Variants in RCC1 observed in about 807,000 individuals in gnomAD.
RCC1 encodes the protein regulator of chromosome condensation.
In RCC1, 11 loss-of-function variants were observed where a neutral mutation model predicts 44.4. The ratio of observed to expected loss-of-function variants is 0.25; its 90% CI spans 0.16 to 0.41. RCC1 has a LOEUF of 0.41. Ranked by LOEUF, RCC1 falls within the 10% of genes least tolerant of loss-of-function variation. The probability of loss-of-function intolerance (pLI) is 1.00; values close to 1 mark genes in which losing one functional copy is unlikely to be tolerated. For synonymous variants in RCC1, 213 were observed against 216.5 expected (o/e 0.98, Z 0.14); for missense variants, 386 against 547.1 (o/e 0.71, Z 2.94).
At chr1:28,509,627 C>G (rs1438722529) in intron 3 of RCC1, 2 of 152,108 alleles carry the variant, frequency 1.3e-5, no homozygotes, top group Non-Finnish European at 2.9e-5. Flanking sequence ...AAAATAAATA[C>G]GACTGCATGT....
At chr1:28,522,820 AAAAT>A (rs1366325428) in intron 4 of RCC1, among the ~76,000 whole-genome samples, 4 of 151,764 alleles carry the variant, frequency 2.6e-5, no homozygotes, top group African/African-American at 9.7e-5. Flanking sequence ...GTCTCAAAAA[AAAAT>A]AAATATATAT....
chr1:28,511,817 T>C (rs1347588625), intron 3 of RCC1, among the ~76,000 whole-genome samples: 4 of 148,758 alleles, frequency 2.7e-5, no homozygotes, highest in Non-Finnish European at 6.0e-5. Context: ...CACGCCACCA[T>C]GCCCGGCTAA....
At chr1:28,516,249 C>T (rs1321327019) in intron 3 of RCC1, among the ~76,000 whole-genome samples, 2 of 152,148 alleles carry the variant, frequency 1.3e-5, no homozygotes, top group African/African-American at 4.8e-5. Flanking sequence ...CGCGGAGGCT[C>T]ACGCCTGTAA....
At position 28,532,314 on chromosome 1, in the gene RCC1, C is replaced by A; in HGVS notation, c.405C>A (p.Thr135=). ...SAGDSHTAAL[T]DDGRVFLWGS... Reference sequence around the variant, plus strand: ...GAGACAGTCACACAGCAGCCCTCACCGATGATGGCCGTGTCTTCCTCTGGG... The same window carrying A: ...GAGACAGTCACACAGCAGCCCTCACAGATGATGGCCGTGTCTTCCTCTGGG... Residue 135 remains threonine, a synonymous_variant, in exon 7 of 13, where the codon ACC becomes ACA. Coordinates refer to ENST00000683442, the MANE Select transcript of RCC1 (RefSeq NM_001381865.2). 1 of 1,614,074 alleles carries A rather than the reference C, an allele frequency of 6.2e-7. No homozygotes were observed. The highest frequency in any genetic ancestry group is 1.1e-5 in the South Asian group (1 of 91,074).
chr1:28,506,919 C>T lies in RCC1; in HGVS notation c.-262+835C>T, dbSNP rs143911306. On this transcript the variant is annotated intron_variant, in intron 1 of 12. Transcript: ENST00000683442. ...ATTTCACCATGTTGGCCAGGCTGGT[C>T]TCCAACGCCTGACCTTGTGGTCCGC... 3.8e-3 allele frequency: 627 copies of T among 163,462 alleles called. 6 individuals carry two copies. Among genetic ancestry groups the T allele is most frequent in the African/African-American group, 0.014 (598 of 41,628 alleles). 10.1% of individuals were successfully genotyped at this position (163,462 alleles called of 1,614,324 possible).
rs778947710 is a variant in RCC1 at position 28,535,937 on chromosome 1, A to T, written c.728A>T (p.Gln243Leu). 6.2e-7 allele frequency: 1 copy of T among 1,614,132 alleles called. No homozygotes were observed. The highest frequency in any genetic ancestry group is 8.5e-7 in the Non-Finnish European group (1 of 1,180,006). The stretch of plus-strand genomic sequence containing the variant: ...GGAAGCCGGGGCCACGTGAGATTCC[A>T]GGATGCCTTTTGTGGTGCCTATTTC... ...SRGSRGHVRF[Q>L]DAFCGAYFTF... Residue 243 changes from glutamine to leucine, a missense_variant, in exon 10 of 13, where the codon CAG becomes CTG. Physicochemically the swap from Gln to Leu is moderately radical, Grantham distance 113 (BLOSUM62 -2). Transcript: ENST00000683442.
intron 3 of RCC1, among the ~76,000 whole-genome samples, 161 bp from the exon 4 acceptor site, chr1:28,516,564 T>C (rs1662909002): frequency 6.6e-6 from 1 of 151,986 alleles, no homozygotes; most frequent in Non-Finnish European, 1.5e-5. Context: ...CCCAGAAAAC[T>C]TGCTTTACCT....
chr1:28,536,333 G>T lies in RCC1; in HGVS notation c.889G>T (p.Val297Leu), dbSNP rs1482744896. 1 of 1,614,018 alleles carries T rather than the reference G, an allele frequency of 6.2e-7. No individual in the cohort carries two copies. Among genetic ancestry groups the T allele is most frequent in the Non-Finnish European group, 8.5e-7 (1 of 1,180,036 alleles). The change falls in exon 11 of 13, where the codon GTG (valine) becomes TTG (leucine). Residue 297 changes from valine (V) to leucine (L), a missense_variant. By Grantham distance (32) the Val-to-Leu change is conservative. Transcript: ENST00000683442. The surrounding 1 kb of genome is among the most constrained non-coding windows in gnomAD (Gnocchi z 4.9). ...TSFKNSTKSW[V>L]GFSGGQHHTV... ...CTTCAAGAATTCCACCAAGTCCTGG[G>T]TGGGCTTCTCTGGTGGCCAGCACCA...
intron 12 of RCC1, 51 bp from the exon 13 acceptor site, chr1:28,537,781 A>G (rs1664641131): frequency 1.3e-6 from 2 of 1,551,046 alleles, no homozygotes; most frequent in East Asian, 2.3e-5. Flanking sequence ...TGCTACAGAA[A>G]GGTGGGCTGG....
Position 28,537,913 on chromosome 1 carries a change from T to C in RCC1, c.1172T>C (p.Met391Thr). The change falls in exon 13 of 13, where the codon ATG becomes ACG. Residue 391 changes from methionine to threonine, a missense_variant. Transcript: ENST00000683442. The part of the protein sequence containing the change: ...QDEDAWSPVE[M>T]MGKQLENRVV... ...GAGGACGCCTGGAGCCCTGTGGAGATGATGGGCAAACAGCTGGAGAACCGT... is the reference window on the plus strand; with the variant it reads ...GAGGACGCCTGGAGCCCTGTGGAGACGATGGGCAAACAGCTGGAGAACCGT... 1 of 1,613,814 alleles carries C rather than the reference T, an allele frequency of 6.2e-7. No homozygotes were observed. Among genetic ancestry groups the C allele is most frequent in the Non-Finnish European group, 8.5e-7 (1 of 1,179,940 alleles).
At chr1:28,516,698 A>G in intron 3 of RCC1, 27 bp from the exon 4 acceptor site, 1 of 338,946 alleles carries the variant, frequency 3.0e-6, no homozygotes, top group South Asian at 2.3e-5. Context: ...AATAATAATA[A>G]TAATCACTTA....
chr1:28,516,220 T>C (rs1662886085), intron 3 of RCC1, among the ~76,000 whole-genome samples: 1 of 142,546 alleles, frequency 7.0e-6, no homozygotes, highest in Non-Finnish European at 1.5e-5. Flanking sequence ...CTACTAAAAG[T>C]ACAAAAATTA....
chr1:28,520,636 CGACTTATCTGTGACT>C lies in RCC1; in HGVS notation c.-10+3771_-10+3785del, dbSNP rs1314091464. 5.3e-5 allele frequency among the ~76,000 whole-genome samples: 8 copies of C among 152,160 alleles called. No individual in the cohort carries two copies. The South Asian group carries it at 1.4e-3, about 28-fold the overall frequency. On this transcript the variant is annotated intron_variant, in intron 4 of 12. Coordinates refer to ENST00000683442, the MANE Select transcript of RCC1 (RefSeq NM_001381865.2). ...TGATGGTGGAAGCTGACTCTGTAGC[CGACTTATCTGTGACT>C]GTCTCACTCTTCTCCCAGAGACTGT...
intron 2 of RCC1, chr1:28,508,549 A>C (rs978655343): frequency 1.9e-6 from 1 of 517,184 alleles, no homozygotes; most frequent in Non-Finnish European, 3.9e-6. Context: ...ATTCCTCACT[A>C]ATGAGCATTC....
intron 5 of RCC1, among the ~76,000 whole-genome samples, 160 bp downstream of exon 5, chr1:28,530,099 C>T (rs1664029569): frequency 1.3e-5 from 2 of 151,376 alleles, no homozygotes; most frequent in African/African-American, 2.4e-5. Flanking sequence ...GAATCCTACC[C>T]TCTGGGAATC....
At chr1:28,527,214 C>T in intron 4 of RCC1, 1 of 875,628 alleles carries the variant, frequency 1.1e-6, no homozygotes, top group Non-Finnish European at 1.9e-6. Flanking sequence ...GTAACCTTCC[C>T]ACAGCAGCCG....
rs773417526 is a variant in RCC1 at position 28,535,569 on chromosome 1, T to G, written c.661+189T>G. On this transcript the variant is annotated intron_variant, in intron 9 of 12. Coordinates refer to ENST00000683442, the MANE Select transcript of RCC1 (RefSeq NM_001381865.2). The stretch of plus-strand genomic sequence containing the variant: ...TCTATGGGACTCTGAACATAGTTTC[T>G]TCATCACTAAGTCTACCTACCTGTA... The G allele has an allele frequency of 5.4e-6, 5 of 918,212 alleles. No homozygotes were observed. The African/African-American group carries it at 8.1e-5, about 15-fold the overall frequency. 56.9% of individuals were successfully genotyped at this position (918,212 alleles called of 1,614,324 possible).
At chr1:28,529,653 A>T (rs1663979802) in intron 4 of RCC1, among the ~76,000 whole-genome samples, 1 of 152,046 alleles carries the variant, frequency 6.6e-6, no homozygotes, top group African/African-American at 2.4e-5. Flanking sequence ...TGTTGTTTTT[A>T]AAATGTTATG....
intron 3 of RCC1, among the ~76,000 whole-genome samples, chr1:28,516,522 T>C (rs1278158356): frequency 6.7e-6 from 1 of 148,178 alleles, no homozygotes. Context: ...AAAAAAAGAG[T>C]TGAGGTCTCC....
Sources: gnomAD v4.1 joint callset for allele counts (sites outside exome capture counted in the v4.1 genomes callset) on GRCh38, gnomAD v4.1.1 for gene constraint, Gnocchi (gnomAD v3.1) non-coding constraint, MANE v1.5 for transcripts, NCBI Gene and HGNC (gene_info 2026-07-23, HGNC 2026-07-21) for gene names.